NEB: variants seen among roughly 807,000 people sequenced by gnomAD.
NEB encodes the protein nebulin, also known as nemaline myopathy type 2.
A neutral mutation model predicts 952.2 loss-of-function variants in NEB; 512 were observed. The observed-to-expected ratio is 0.54, with a 90% CI of 0.50 to 0.58. The LOEUF (loss-of-function observed/expected upper bound fraction) is 0.58. NEB is among the 20% of genes least tolerant of loss of function. NEB has a pLI of 0.00. For synonymous variants in NEB, 2,900 were observed against 3,149.8 expected, an observed-to-expected ratio of 0.92 and a Z score of 2.66; for missense variants, 8,428 against 9,231.1, an observed-to-expected ratio of 0.91 and a Z score of 3.56.
chr2:151,538,476 G>A (rs899813724), intron 138 of NEB, among the ~76,000 whole-genome samples: 2 of 152,172 alleles, frequency 1.3e-5, no homozygotes, highest in Non-Finnish European at 2.9e-5. Context: ...TTGGTTCACT[G>A]ATCATGGCAA....
intron 165 of NEB, 46 bp downstream of exon 165, chr2:151,505,432 A>G: frequency 6.7e-7 from 1 of 1,485,462 alleles, no homozygotes; most frequent in South Asian, 1.1e-5. Context: ...GTAGCAATTG[A>G]GAGATGGCCA....
At chr2:151,713,539 T>A (rs1188287239) in intron 10 of NEB, among the ~76,000 whole-genome samples, 3 of 152,104 alleles carry the variant, frequency 2.0e-5, no homozygotes, top group Non-Finnish European at 4.4e-5. Context: ...ATTAGTTTTT[T>A]AAAAAAAATT....
chr2:151,618,466 A>G lies in NEB; in HGVS notation c.10885T>C (p.Ser3629Pro). 1.2e-6 allele frequency: 2 copies of G among 1,613,500 alleles called. No individual in the cohort carries two copies. The highest frequency in any genetic ancestry group is 1.7e-5 in the Admixed American group (1 of 59,966). ...ATGCCTTTCATCCATTCAAGGTCTG[A>G]CTTATACAAATTCTGCAGATCAACA... is the stretch of plus-strand genomic sequence containing the variant. ...YDLQSDNLYKSDLEWMKGIGW... is the reference protein window; with the variant it reads ...YDLQSDNLYKPDLEWMKGIGW... Residue 3629 changes from serine (S) to proline (P), a missense_variant, in exon 74 of 182, where the codon TCA (serine) becomes CCA (proline). By Grantham distance (74) the Ser-to-Pro change is moderately conservative. Around this residue, in one of 11 missense-constraint regions of NEB, gnomAD observed 1,772 missense variants for 1,960.3 expected, o/e 0.90. Transcript: ENST00000397345.
chr2:151,705,347 A>T (rs75901530), intron 13 of NEB, among the ~76,000 whole-genome samples: 1 of 152,188 alleles, frequency 6.6e-6, no homozygotes, highest in South Asian at 2.1e-4. Flanking sequence ...GATGCTATTC[A>T]TGTTTAATAT....
At chr2:151,564,319 T>TA (rs575441385) in intron 117 of NEB, among the ~76,000 whole-genome samples, 131 of 152,124 alleles carry the variant, frequency 8.6e-4, no homozygotes, top group Non-Finnish European at 1.6e-3. Flanking sequence ...TATGCCTGGC[T>TA]AATTTTTGTA....
intron 95 of NEB, among the ~76,000 whole-genome samples, chr2:151,591,789 C>T (rs1253650468): frequency 1.4e-4 from 22 of 152,418 alleles, no homozygotes; most frequent in African/African-American, 3.1e-4. Context: ...TATTACTCTA[C>T]GTGTATCTAT....
At chr2:151,526,884 A>C in intron 148 of NEB, 34 bp downstream of exon 148, 1 of 1,404,658 alleles carries the variant, frequency 7.1e-7, no homozygotes, top group Non-Finnish European at 9.9e-7. Flanking sequence ...GCCCTGAGTG[A>C]GGTTAGGCAT....
intron 11 of NEB, 85 bp from the exon 12 acceptor site, chr2:151,709,848 A>G: frequency 9.8e-7 from 1 of 1,020,046 alleles, no homozygotes; most frequent in Non-Finnish European, 1.5e-6. Flanking sequence ...GATTTGGAAA[A>G]GTTACACAAT....
intron 28 of NEB, 114 bp downstream of exon 28, chr2:151,684,664 A>C: frequency 1.0e-6 from 1 of 1,004,364 alleles, no homozygotes; most frequent in Admixed American, 3.1e-5. Flanking sequence ...GTTTGCTTAC[A>C]TACATAGGAC....
chr2:151,671,021 A>C lies in NEB; in HGVS notation c.4506+2T>G. On this transcript the variant is annotated splice_donor_variant, in intron 38 of 181. Transcript: ENST00000397345. LOFTEE classifies it high-confidence loss of function. The stretch of plus-strand genomic sequence containing the variant: ...AAATCATTTTGAAAGGAAAGCACTC[A>C]CATCACTTAGCTGCTTTGTGTTATG... 6.2e-7 allele frequency: 1 copy of C among 1,612,844 alleles called. No homozygotes were observed. The highest frequency in any genetic ancestry group is 8.5e-7 in the Non-Finnish European group (1 of 1,178,798).
intron 117 of NEB, among the ~76,000 whole-genome samples, chr2:151,564,648 G>A (rs771130893): frequency 6.6e-5 from 10 of 152,126 alleles, no homozygotes; most frequent in South Asian, 2.1e-4. Context: ...ATGCTGATGC[G>A]TGATTACTAA....
intron 12 of NEB, among the ~76,000 whole-genome samples, chr2:151,709,397 T>C (rs2099737206): frequency 6.6e-6 from 1 of 152,238 alleles, no homozygotes; most frequent in South Asian, 2.1e-4. Context: ...ATATTGAAGA[T>C]GGTAATTAGA....
chr2:151,697,497 T>C (rs761430951), intron 14 of NEB, 40 bp from the exon 15 acceptor site: 9 of 1,605,736 alleles, frequency 5.6e-6, no homozygotes, highest in African/African-American at 1.3e-5. Flanking sequence ...ATTGGTGAAA[T>C]AATGGGTTCT....
rs141338915 is a variant in NEB, at chr2:151,563,606, C to T, written c.18693G>A (p.Ala6231=). Residue 6231 remains alanine, a splice_region_variant and synonymous_variant, in exon 119 of 182, where the codon GCG becomes GCA. Transcript: ENST00000397345. ...CGTGTTAAAGTGGACATTTACTTAC[C>T]GCACTCCTCATCTTTTGGAAATCCA... is the stretch of plus-strand genomic sequence containing the variant. The part of the protein sequence containing the change: ...HCLDFQKMRS[A]LNYRKHYEDT... 5.0e-6 allele frequency: 8 copies of T among 1,611,606 alleles called. No homozygotes were observed. The highest frequency in any genetic ancestry group is 2.2e-5 in the East Asian group (1 of 44,870).
At chr2:151,508,257 G>A (rs1299473718) in intron 161 of NEB, 148 bp from the exon 162 acceptor site, 3 of 531,644 alleles carry the variant, frequency 5.6e-6, no homozygotes, top group Non-Finnish European at 1.0e-5. Context: ...TTAGGGCATC[G>A]CAAGGAAGAA....
rs879302827 is a variant in NEB at position 151,729,751 on chromosome 2, C to T, written c.37-95G>A. 6.8e-5 allele frequency: 88 copies of T among 1,289,954 alleles called. 3 individuals carry two copies. The highest frequency in any genetic ancestry group is 9.7e-5 in the Non-Finnish European group (86 of 889,474). 79.9% of individuals were successfully genotyped at this position (1,289,954 alleles called of 1,614,324 possible). A position where few individuals can be genotyped will look rare whatever the true frequency, so the allele number is the denominator to read the frequency against. ...AACCACTTAGGTGACTGCACTAGCT[C>T]GGTTGATTTGGAATGTCTGTGGGAA... On this transcript the variant is annotated intron_variant, in intron 3 of 181. Coordinates refer to ENST00000397345, the MANE Select transcript of NEB (RefSeq NM_001164508.2).
At chr2:151,629,464 C>T in intron 68 of NEB, 75 bp downstream of exon 68, 1 of 1,248,890 alleles carries the variant, frequency 8.0e-7, no homozygotes, top group Non-Finnish European at 1.2e-6. Context: ...AACTGGCCCC[C>T]AAATGTTATA....
At chr2:151,687,915 ATAAG>A (rs1477662215) in intron 25 of NEB, among the ~76,000 whole-genome samples, 182 bp from the exon 26 acceptor site, 2 of 152,214 alleles carry the variant, frequency 1.3e-5, no homozygotes, top group Non-Finnish European at 2.9e-5. Context: ...CTACCACTAA[ATAAG>A]TATCAACTAC....
intron 54 of NEB, 139 bp from the exon 55 acceptor site, chr2:151,646,373 A>G (rs191596517): frequency 1.5e-6 from 1 of 671,680 alleles, no homozygotes; most frequent in African/African-American, 1.8e-5. Context: ...ATAAGCAGAA[A>G]ATAGATGCAA....
Sources: gnomAD v4.1 joint callset for allele counts (sites outside exome capture counted in the v4.1 genomes callset) on GRCh38, gnomAD v4.1.1 for gene constraint, gnomAD v4.1.1 regional missense constraint, MANE v1.5 for transcripts, NCBI Gene and HGNC (gene_info 2026-07-23, HGNC 2026-07-21) for gene names.